Variants in FAF1 observed in about 807,000 individuals in gnomAD.
FAF1 encodes Fas associated factor 1, also known as FAS-associated factor 1.
Under a neutral mutation model 92.5 loss-of-function variants are expected in FAF1, and 25 were observed. The ratio of observed to expected loss-of-function variants is 0.27; its 90% CI spans 0.20 to 0.38. The LOEUF (loss-of-function observed/expected upper bound fraction) is 0.38. Ranked by LOEUF, FAF1 falls within the 10% of genes least tolerant of loss-of-function variation. The probability of loss-of-function intolerance (pLI) is 1.00; values close to 1 mark genes in which losing one functional copy is unlikely to be tolerated. For missense variants in FAF1, 636 were observed against 793.3 expected (o/e 0.80, Z 2.38); for synonymous variants, 234 against 273.2 (o/e 0.86, Z 1.42).
rs575926311 is a variant in FAF1 at position 50,551,519 on chromosome 1, A to G, written c.1269-11791T>C. ...ACAGACCAGTAAACTTGCTCACAAT[A>G]CCCACAAAACTTTAAAAAGTCACTT... is the stretch of plus-strand genomic sequence containing the variant. On this transcript the variant is annotated intron_variant, in intron 13 of 18. Coordinates refer to ENST00000396153, the MANE Select transcript of FAF1 (RefSeq NM_007051.3). 4.6e-5 allele frequency among the ~76,000 whole-genome samples: 7 copies of G among 152,306 alleles called. No homozygotes were observed. The South Asian group carries it at 1.5e-3, about 32-fold the overall frequency.
chr1:50,820,114 G>A (rs1319946685), intron 2 of FAF1, among the ~76,000 whole-genome samples: 1 of 151,826 alleles, frequency 6.6e-6, no homozygotes, highest in Non-Finnish European at 1.5e-5. Context: ...CACAATGGTG[G>A]TTACTAGGGG....
chr1:50,525,949 G>C (rs1303352988), intron 15 of FAF1, among the ~76,000 whole-genome samples: 3 of 152,080 alleles, frequency 2.0e-5, no homozygotes, highest in African/African-American at 7.2e-5. Flanking sequence ...CTTTAATACT[G>C]AGTACATGAT....
intron 2 of FAF1, among the ~76,000 whole-genome samples, chr1:50,834,348 C>A (rs949720439): frequency 6.6e-6 from 1 of 152,144 alleles, no homozygotes; most frequent in African/African-American, 2.4e-5. Context: ...ACTAATACAC[C>A]CTTCCAACAC....
At chr1:50,484,732 T>C (rs1450296322) in intron 17 of FAF1, among the ~76,000 whole-genome samples, 1 of 152,144 alleles carries the variant, frequency 6.6e-6, no homozygotes, top group Admixed American at 6.5e-5. Context: ...CCTTCATTCT[T>C]TGAATTTGGA....
intron 15 of FAF1, among the ~76,000 whole-genome samples, chr1:50,500,532 A>G (rs978733344): frequency 7.2e-5 from 11 of 152,216 alleles, no homozygotes; most frequent in African/African-American, 2.7e-4. Context: ...GAAGTGGATC[A>G]TAGACCAAAT....
At chr1:50,641,126 C>G (rs1654307925) in intron 8 of FAF1, among the ~76,000 whole-genome samples, 1 of 152,242 alleles carries the variant, frequency 6.6e-6, no homozygotes, top group East Asian at 1.9e-4. Context: ...GCCATCACAC[C>G]TGGCCTAATT....
chr1:50,836,170 G>GTTTTTTTGTTTTTTTTTTTTTTT (rs1553144965), intron 2 of FAF1, among the ~76,000 whole-genome samples: 3 of 98,526 alleles, frequency 3.0e-5, no homozygotes, highest in Non-Finnish European at 6.0e-5. Flanking sequence ...TTTTGTTTCT[G>GTTTTTTTGTTTTTTTTTTTTTTT]TTTTTTTTTT....
At chr1:50,861,483 G>C (rs947285015) in intron 1 of FAF1, among the ~76,000 whole-genome samples, 8 of 151,780 alleles carry the variant, frequency 5.3e-5, no homozygotes, top group African/African-American at 1.9e-4. Flanking sequence ...GTTCTTACTT[G>C]TGAGAGTTAA....
chr1:50,596,074 T>A (rs913335252), intron 9 of FAF1, 47 bp downstream of exon 9: 10 of 1,262,960 alleles, frequency 7.9e-6, no homozygotes, highest in Non-Finnish European at 1.1e-5. Flanking sequence ...CGCAGGTAGG[T>A]GGGGGATGGG....
intron 4 of FAF1, among the ~76,000 whole-genome samples, chr1:50,747,016 C>T (rs1032711541): frequency 2.0e-5 from 3 of 152,180 alleles, no homozygotes; most frequent in African/African-American, 7.2e-5. Context: ...TGGGGGCCCC[C>T]GCATAGATTT....
At chr1:50,510,942 G>A (rs1261433054) in intron 15 of FAF1, among the ~76,000 whole-genome samples, 1 of 152,046 alleles carries the variant, frequency 6.6e-6, no homozygotes, top group East Asian at 1.9e-4. Context: ...TTTAAACTCT[G>A]CCTATGTATT....
chr1:50,745,076 C>T (rs1659536129), intron 4 of FAF1, among the ~76,000 whole-genome samples: 1 of 152,020 alleles, frequency 6.6e-6, no homozygotes, highest in South Asian at 2.1e-4. Flanking sequence ...TCACCTGAGA[C>T]CAGGAGTTCA....
At chr1:50,615,932 G>T (rs1305672361) in intron 8 of FAF1, among the ~76,000 whole-genome samples, 2 of 152,090 alleles carry the variant, frequency 1.3e-5, no homozygotes, top group Non-Finnish European at 2.9e-5. Context: ...CTTTGCCAAG[G>T]CCCTTATTGA....
chr1:50,557,211 A>G (rs1347614607), intron 13 of FAF1, among the ~76,000 whole-genome samples: 1 of 152,224 alleles, frequency 6.6e-6, no homozygotes, highest in Admixed American at 6.5e-5. Flanking sequence ...CTGATCATGT[A>G]TTGAGGGGAA....
intron 8 of FAF1, chr1:50,612,561 CCT>C: frequency 1.4e-6 from 1 of 708,050 alleles, no homozygotes; most frequent in Non-Finnish European, 1.7e-6. Flanking sequence ...GCCATTTACC[CCT>C]CAACACTGTG....
chr1:50,729,691 G>A (rs1395654819), intron 6 of FAF1, among the ~76,000 whole-genome samples: 1 of 150,346 alleles, frequency 6.7e-6, no homozygotes, highest in Admixed American at 6.6e-5. Flanking sequence ...ACAGGTGTGA[G>A]CCACTGCACC....
At chr1:50,448,329 G>C (rs1646253055) in intron 18 of FAF1, among the ~76,000 whole-genome samples, 1 of 152,152 alleles carries the variant, frequency 6.6e-6, no homozygotes, top group Non-Finnish European at 1.5e-5. Context: ...CTAGCTGTCT[G>C]ATGACCCTGG....
At chr1:50,507,081 C>T (rs1226133541) in intron 15 of FAF1, among the ~76,000 whole-genome samples, 1 of 152,146 alleles carries the variant, frequency 6.6e-6, no homozygotes, top group Non-Finnish European at 1.5e-5. Flanking sequence ...AGGACTACTA[C>T]CTTTTGTAAC....
intron 6 of FAF1, among the ~76,000 whole-genome samples, chr1:50,728,438 G>A (rs1162963665): frequency 7.9e-5 from 12 of 152,190 alleles, no homozygotes; most frequent in Admixed American, 7.2e-4. Context: ...ATAAGATTAT[G>A]TAAGTCTTTT....
Sources: gnomAD v4.1 joint callset for allele counts (sites outside exome capture counted in the v4.1 genomes callset) on GRCh38, gnomAD v4.1.1 for gene constraint, MANE v1.5 for transcripts, NCBI Gene and HGNC (gene_info 2026-07-23, HGNC 2026-07-21) for gene names.